RBFOX1: variants seen among roughly 807,000 people sequenced by gnomAD.
The protein encoded by RBFOX1 is RNA binding fox-1 homolog 1.
A neutral mutation model predicts 57.7 loss-of-function variants in RBFOX1; 8 were observed. The ratio of observed to expected loss-of-function variants is 0.14; its 90% CI spans 0.08 to 0.25. The LOEUF (loss-of-function observed/expected upper bound fraction) is 0.25, where lower values mean the gene tolerates loss of function less well. Ranked by LOEUF, RBFOX1 falls within the 10% of genes least tolerant of loss-of-function variation. The pLI is 1.00. For synonymous variants in RBFOX1, 326 were observed against 222.4 expected (o/e 1.47, Z -4.15); for missense variants, 611 against 548.5 (o/e 1.11, Z -1.14).
At chr16:7,067,969 T>G (rs1444766932) in intron 4 of RBFOX1, among the ~76,000 whole-genome samples, 3 of 149,484 alleles carry the variant, frequency 2.0e-5, no homozygotes, top group South Asian at 4.3e-4. Flanking sequence ...TTTTTTTTTT[T>G]GTAATTCATG....
intron 3 of RBFOX1, among the ~76,000 whole-genome samples, chr16:6,943,738 G>T (rs1056163097): frequency 6.6e-6 from 1 of 150,950 alleles, no homozygotes; most frequent in Non-Finnish European, 1.5e-5. Flanking sequence ...GTATTCGCCT[G>T]TAACAATAGC....
intron 3 of RBFOX1, among the ~76,000 whole-genome samples, chr16:6,908,027 T>G (rs2070521165): frequency 6.6e-6 from 1 of 151,650 alleles, no homozygotes; most frequent in South Asian, 2.1e-4. Context: ...TCATATTGGA[T>G]TAGGGCCTAT....
At chr16:6,726,084 A>T (rs1043864484) in intron 3 of RBFOX1, among the ~76,000 whole-genome samples, 2 of 152,192 alleles carry the variant, frequency 1.3e-5, no homozygotes, top group Non-Finnish European at 2.9e-5. Context: ...TGATTATGTT[A>T]TTCAGTGTTA....
intron 4 of RBFOX1, among the ~76,000 whole-genome samples, chr16:5,968,654 A>T (rs1023544864): frequency 1.3e-5 from 2 of 152,058 alleles, no homozygotes; most frequent in African/African-American, 4.8e-5. Context: ...AGTAATTTGC[A>T]ATCCTATCCT....
intron 1 of RBFOX1, among the ~76,000 whole-genome samples, chr16:6,076,703 A>G (rs1036533679): frequency 6.6e-6 from 1 of 152,186 alleles, no homozygotes; most frequent in Non-Finnish European, 1.5e-5. Context: ...CTTCAAAGAC[A>G]CAGAGTCCAA....
intron 3 of RBFOX1, among the ~76,000 whole-genome samples, chr16:6,950,756 G>A (rs866185044): frequency 6.4e-4 from 97 of 152,082 alleles, no homozygotes; most frequent in African/African-American, 2.2e-3. Flanking sequence ...ATGTAATATG[G>A]GTAGGTGAAT....
chr16:6,380,316 T>C (rs1229774476), intron 2 of RBFOX1, among the ~76,000 whole-genome samples: 1 of 145,024 alleles, frequency 6.9e-6, no homozygotes, highest in Non-Finnish European at 1.5e-5. Context: ...GTGACGGTGG[T>C]GGAGGCAGCA....
At chr16:5,332,662 G>C (rs1233393208) in intron 1 of RBFOX1, among the ~76,000 whole-genome samples, 1 of 151,374 alleles carries the variant, frequency 6.6e-6, no homozygotes, top group East Asian at 1.9e-4. Context: ...ATGTGTGTGT[G>C]AATGTATGCA....
intron 2 of RBFOX1, among the ~76,000 whole-genome samples, chr16:5,557,217 G>A (rs113736113): frequency 0.055 from 8,298 of 151,706 alleles, 244 homozygotes; most frequent in East Asian, 0.1. Flanking sequence ...CCGGGATTGC[G>A]CCACTGCACT....
At chr16:7,131,433 C>T (rs965217849) in intron 4 of RBFOX1, among the ~76,000 whole-genome samples, 1 of 146,524 alleles carries the variant, frequency 6.8e-6, no homozygotes, top group South Asian at 2.2e-4. Context: ...TTATAGTTGG[C>T]CACTTTACAT....
At chr16:6,877,103 C>T (rs1008129938) in intron 3 of RBFOX1, among the ~76,000 whole-genome samples, 3 of 152,172 alleles carry the variant, frequency 2.0e-5, no homozygotes, top group Non-Finnish European at 4.4e-5. Context: ...CAAGCATAGG[C>T]AGTCCCGCTG....
At chr16:5,434,088 C>G (rs1383729089) in intron 1 of RBFOX1, among the ~76,000 whole-genome samples, 2 of 152,132 alleles carry the variant, frequency 1.3e-5, no homozygotes, top group Non-Finnish European at 2.9e-5. Context: ...TCTCAGCTGA[C>G]TGTAATCTGC....
intron 5 of RBFOX1, among the ~76,000 whole-genome samples, chr16:7,563,092 C>A (rs1192845986): frequency 6.6e-6 from 1 of 152,164 alleles, no homozygotes; most frequent in Non-Finnish European, 1.5e-5. Flanking sequence ...ACCTCAATTT[C>A]TTTGCCGTAA....
chr16:7,225,867 A>G (rs1182004091), intron 4 of RBFOX1, among the ~76,000 whole-genome samples: 2 of 141,720 alleles, frequency 1.4e-5, no homozygotes, highest in Non-Finnish European at 3.0e-5. Flanking sequence ...ACAAACCTGC[A>G]TATTGTGCAC....
At position 6,983,028 on chromosome 16, in the gene RBFOX1, C is replaced by G. The variant is rs1010391556; in HGVS notation, c.-15-69029C>G. Among the ~76,000 whole-genome samples the G allele has an allele frequency of 2.8e-5, 4 of 143,562 alleles. No individual in the cohort carries two copies. The South Asian group carries it at 6.6e-4, about 24-fold the overall frequency. 94.2% of individuals were successfully genotyped at this position (143,562 alleles called of 152,430 possible). Reference sequence around the variant, plus strand: ...AAAAAAAAAAAAAAAGGAAAGGTGTCGAACTGAGGCTCGAGCATTTTGGTA... The same window carrying G: ...AAAAAAAAAAAAAAAGGAAAGGTGTGGAACTGAGGCTCGAGCATTTTGGTA... On this transcript the variant is annotated intron_variant, in intron 3 of 15. Transcript: ENST00000550418.
At chr16:6,422,618 A>C (rs998473922) in intron 2 of RBFOX1, among the ~76,000 whole-genome samples, 17 of 152,176 alleles carry the variant, frequency 1.1e-4, no homozygotes, top group Non-Finnish European at 2.2e-4. Flanking sequence ...GCAGAAGACA[A>C]AGGCGGAGTA....
At chr16:6,939,392 T>C (rs1306059982) in intron 3 of RBFOX1, among the ~76,000 whole-genome samples, 2 of 151,928 alleles carry the variant, frequency 1.3e-5, no homozygotes, top group East Asian at 3.8e-4. Flanking sequence ...TATGTGTGTG[T>C]GTGTGTGTGT....
chr16:6,820,959 T>A (rs779447132), intron 3 of RBFOX1, among the ~76,000 whole-genome samples: 1 of 152,230 alleles, frequency 6.6e-6, no homozygotes, highest in Non-Finnish European at 1.5e-5. Flanking sequence ...CTACCAGTTA[T>A]TGAATTTGTA....
intron 3 of RBFOX1, among the ~76,000 whole-genome samples, chr16:6,850,476 A>T (rs931340368): frequency 2.6e-5 from 4 of 152,056 alleles, no homozygotes; most frequent in African/African-American, 9.7e-5. Flanking sequence ...TTATCAGGAG[A>T]CTGATTGCCT....
Sources: allele counts gnomAD v4.1 joint callset (sites outside exome capture counted in the v4.1 genomes callset), GRCh38; gene constraint gnomAD v4.1.1; transcripts MANE v1.5; gene names NCBI Gene and HGNC (gene_info 2026-07-23, HGNC 2026-07-21).